Variants in COBLL1 observed in about 807,000 individuals in gnomAD.
COBLL1 encodes the protein cordon-bleu WH2 repeat protein like 1, also known as cordon-bleu protein-like 1.
COBLL1 carries 50 observed loss-of-function variants against 94.8 expected under a neutral mutation model. The observed-to-expected ratio is 0.53, with a 90% confidence interval of 0.42 to 0.67. The LOEUF is 0.67. COBLL1 is among the 30% of genes least tolerant of loss of function. The pLI is 0.00. For synonymous variants in COBLL1, 448 were observed against 473.8 expected (o/e 0.95, Z 0.71); for missense variants, 1,362 against 1,348.7 (o/e 1.01, Z -0.15).
chr2:164,685,812 G>A lies in COBLL1; in HGVS notation c.*134C>T, dbSNP rs1683247191. The A allele has an allele frequency of 7.2e-6, 3 of 417,880 alleles. No homozygotes were observed. The highest frequency in any genetic ancestry group is 8.8e-5 in the Admixed American group (2 of 22,724). The allele number at this position is 417,880 out of a possible 1,614,324, so 25.9% of individuals were successfully genotyped here. A position where few individuals can be genotyped will look rare whatever the true frequency, so the allele number is the denominator to read the frequency against. ...GGTAACTTTTCTTCTGGCATTAAAA[G>A]CCACAACACAAATTCTAATATTTTA... On this transcript the variant is annotated 3_prime_UTR_variant, in exon 14 of 14. Transcript: ENST00000652658.
chr2:164,773,806 G>T, intron 2 of COBLL1: 1 of 1,235,228 alleles, frequency 8.1e-7, no homozygotes, highest in Non-Finnish European at 1.0e-6. Context: ...TAACTCAACT[G>T]TTTATCATGT....
intron 3 of COBLL1, among the ~76,000 whole-genome samples, chr2:164,731,586 A>G (rs1391012158): frequency 6.6e-6 from 1 of 152,350 alleles, no homozygotes; most frequent in Non-Finnish European, 1.5e-5. Flanking sequence ...ACACTTAAGA[A>G]TAAGGCACTA....
Position 164,780,502 on chromosome 2 carries a change from T to C in COBLL1, c.42-36627A>G, listed in dbSNP as rs976125388. Among the ~76,000 whole-genome samples, 4 of 152,204 alleles carry C rather than the reference T, an allele frequency of 2.6e-5. No homozygotes were observed. In the East Asian group the frequency reaches 7.7e-4, roughly 29 times the overall value. ...AGTTTTGAGATTTTCATGGCTTTTC[T>C]TGAGAGCAATCTTTTTAGCATGGTT... On this transcript the variant is annotated intron_variant, in intron 2 of 13. Transcript: ENST00000652658.
At chr2:164,760,556 A>C (rs557925403) in intron 2 of COBLL1, among the ~76,000 whole-genome samples, 94 of 152,228 alleles carry the variant, frequency 6.2e-4, no homozygotes, top group Non-Finnish European at 1.2e-3. Context: ...ATGCATGTAA[A>C]AAGCTGATGA....
At position 164,841,333 on chromosome 2, in the gene COBLL1, C is replaced by A. The variant is rs1169649722; in HGVS notation, c.-50-87G>T. On this transcript the variant is annotated intron_variant, in intron 1 of 13. Coordinates refer to ENST00000652658, the MANE Select transcript of COBLL1 (RefSeq NM_001365672.2). This position sits in a 1 kb window ranked among gnomAD's most constrained non-coding sequence, Gnocchi z 5.5. ...GCTGGCTGAGCGTCAAGAGCCCGCCCGAGCCGCTCCAGCCCCGGCCGGCCC... is the reference window on the plus strand; with the variant it reads ...GCTGGCTGAGCGTCAAGAGCCCGCCAGAGCCGCTCCAGCCCCGGCCGGCCC... The A allele has an allele frequency of 1.7e-5, 21 of 1,204,170 alleles. No individual in the cohort carries two copies. Among genetic ancestry groups the A allele is most frequent in the Non-Finnish European group, 2.1e-5 (20 of 970,328 alleles). 74.6% of individuals were successfully genotyped at this position (1,204,170 alleles called of 1,614,324 possible). A position where few individuals can be genotyped will look rare whatever the true frequency, so the allele number is the denominator to read the frequency against.
chr2:164,764,252 T>C (rs1161451718), intron 2 of COBLL1, among the ~76,000 whole-genome samples: 1 of 152,162 alleles, frequency 6.6e-6, no homozygotes, highest in African/African-American at 2.4e-5. Flanking sequence ...ACAAAAACAC[T>C]AAAAATTTTA....
chr2:164,754,243 A>G (rs1687280057), intron 2 of COBLL1, among the ~76,000 whole-genome samples: 1 of 152,186 alleles, frequency 6.6e-6, no homozygotes, highest in Admixed American at 6.5e-5. Context: ...AGTTTAAGGA[A>G]ATACATTTAC....
downstream of COBLL1, among the ~76,000 whole-genome samples, chr2:164,678,336 C>T (rs996759081): frequency 1.3e-5 from 2 of 151,976 alleles, no homozygotes; most frequent in African/African-American, 4.8e-5. Context: ...GATAATATGT[C>T]AGATCACTGA....
chr2:164,696,484 G>T (rs551739028), intron 11 of COBLL1: 1 of 152,156 alleles, frequency 6.6e-6, no homozygotes, highest in Admixed American at 6.5e-5. Context: ...TTTATTTTTA[G>T]TTATAACATG....
chr2:164,686,067 T>G (rs1683269868), intron 13 of COBLL1, 35 bp from the exon 14 acceptor site: 2 of 1,206,142 alleles, frequency 1.7e-6, no homozygotes, highest in Non-Finnish European at 2.4e-6. Context: ...ACCCATCAAT[T>G]TAAAATGGGA....
intron 2 of COBLL1, among the ~76,000 whole-genome samples, chr2:164,807,661 A>G (rs1024117272): frequency 7.2e-5 from 11 of 152,008 alleles, no homozygotes; most frequent in African/African-American, 2.7e-4. Flanking sequence ...TAGTATTAGC[A>G]TTGTTTTTAC....
chr2:164,777,302 G>T (rs560705536), intron 2 of COBLL1, among the ~76,000 whole-genome samples: 1 of 149,728 alleles, frequency 6.7e-6, no homozygotes, highest in Non-Finnish European at 1.5e-5. Flanking sequence ...AATATGCCAG[G>T]AAGAACAAAA....
chr2:164,672,692 C>T lies in COBLL1; in HGVS notation n.127-6791G>A, dbSNP rs1187754068. On this transcript the variant is annotated intron_variant and non_coding_transcript_variant, in intron 1 of 2. Transcript: ENST00000495084. ...CCGCAGTCCGGCCTGGGCGACAGAG[C>T]GAGACTCCGTCTCAAAAAAAAAAAA... 1.1e-4 allele frequency among the ~76,000 whole-genome samples: 13 copies of T among 115,924 alleles called. No individual in the cohort carries two copies. In the South Asian group the frequency reaches 1.8e-3, roughly 16 times the overall value. 76.1% of individuals were successfully genotyped at this position (115,924 alleles called of 152,430 possible). A position where few individuals can be genotyped will look rare whatever the true frequency, so the allele number is the denominator to read the frequency against.
intron 2 of COBLL1, among the ~76,000 whole-genome samples, chr2:164,811,170 T>A (rs1684439183): frequency 1.3e-5 from 2 of 151,936 alleles, no homozygotes; most frequent in Non-Finnish European, 2.9e-5. Context: ...ACCTTAAAAC[T>A]ATTTTGTTTA....
chr2:164,762,722 A>G (rs1263027520), intron 2 of COBLL1, among the ~76,000 whole-genome samples: 5 of 133,746 alleles, frequency 3.7e-5, no homozygotes, highest in Admixed American at 7.9e-5. Flanking sequence ...TTTGAGACGC[A>G]GTCTTGCTCT....
At chr2:164,829,201 A>T (rs1257860364) in intron 2 of COBLL1, among the ~76,000 whole-genome samples, 1 of 152,174 alleles carries the variant, frequency 6.6e-6, no homozygotes, top group Non-Finnish European at 1.5e-5. Context: ...GGTTATATAT[A>T]GTCTTTGGCA....
At position 164,680,256 on chromosome 2, in the gene COBLL1, A is replaced by G. The variant is rs193009344; in HGVS notation, c.*5690T>C. ...CAAACATGCAGACAAGTTAAAAATCATGTACAATATAACCCACATACCCAC... is the reference window on the plus strand; with the variant it reads ...CAAACATGCAGACAAGTTAAAAATCGTGTACAATATAACCCACATACCCAC... On this transcript the variant is annotated 3_prime_UTR_variant, in exon 14 of 14. Transcript: ENST00000652658. The G allele has an allele frequency of 6.6e-5, 10 of 152,254 alleles. No homozygotes were observed. The highest frequency in any genetic ancestry group is 2.2e-4 in the African/African-American group (9 of 41,548). 9.4% of individuals were successfully genotyped at this position (152,254 alleles called of 1,614,324 possible).
chr2:164,773,622 T>G, intron 2 of COBLL1: 1 of 480,832 alleles, frequency 2.1e-6, no homozygotes, highest in Non-Finnish European at 3.4e-6. Context: ...AATCATAGTT[T>G]GAGAGAAAAT....
At chr2:164,791,861 CT>C (rs1258369778) in intron 2 of COBLL1, among the ~76,000 whole-genome samples, 1 of 151,194 alleles carries the variant, frequency 6.6e-6, no homozygotes, top group African/African-American at 2.4e-5. Context: ...ATCAAATTCC[CT>C]GGTTTTTGTT....
Sources: gnomAD v4.1 joint callset for allele counts (sites outside exome capture counted in the v4.1 genomes callset) on GRCh38, gnomAD v4.1.1 for gene constraint, Gnocchi (gnomAD v3.1) non-coding constraint, MANE v1.5 for transcripts, NCBI Gene and HGNC (gene_info 2026-07-23, HGNC 2026-07-21) for gene names.